The following GPAT4 variants were observed in gnomAD, a reference collection of about 807,000 sequenced individuals.
GPAT4 encodes 1-AGP acyltransferase 6.
GPAT4 carries 17 observed loss-of-function variants against 58.0 expected under a neutral mutation model. That is an observed-to-expected ratio of 0.29 (90% confidence interval 0.20 to 0.44). GPAT4 has a LOEUF of 0.44. Among genes scored for constraint, GPAT4 ranks in the 20% least tolerant of loss-of-function variants. GPAT4 has a pLI of 1.00. For missense variants in GPAT4, 377 were observed against 574.5 expected, an observed-to-expected ratio of 0.66 and a Z score of 3.51; for synonymous variants, 204 against 210.1, an observed-to-expected ratio of 0.97 and a Z score of 0.25.
intron 1 of GPAT4, among the ~76,000 whole-genome samples, chr8:41,590,142 A>T (rs1455106616): frequency 2.5e-4 from 37 of 148,814 alleles, no homozygotes; most frequent in South Asian, 1.5e-3. Flanking sequence ...TTTTTTTTTT[A>T]AAGAGTCCCA....
chr8:41,619,461 TG>T (rs1394800932), intron 12 of GPAT4: 2 of 175,556 alleles, frequency 1.1e-5, no homozygotes, highest in African/African-American at 4.7e-5. Flanking sequence ...TGGTGTCTGT[TG>T]CAGCTACTGA....
intron 5 of GPAT4, 69 bp downstream of exon 5, chr8:41,610,879 G>T: frequency 6.8e-7 from 1 of 1,467,758 alleles, no homozygotes; most frequent in Non-Finnish European, 9.2e-7. Context: ...GATATCGAAG[G>T]CAAGGACACT....
chr8:41,594,980 A>G (rs2150488910), intron 1 of GPAT4, among the ~76,000 whole-genome samples: 1 of 151,962 alleles, frequency 6.6e-6, no homozygotes, highest in East Asian at 1.9e-4. Context: ...AACTTCCTTT[A>G]TGTCTGTGGA....
At chr8:41,616,586 C>T (rs921328675) in intron 10 of GPAT4, among the ~76,000 whole-genome samples, 13 of 152,082 alleles carry the variant, frequency 8.5e-5, no homozygotes, top group African/African-American at 7.2e-5. Flanking sequence ...TGAGCCACCC[C>T]GCTGGGCCTT....
intron 10 of GPAT4, chr8:41,618,392 A>C (rs541306598): frequency 2.3e-4 from 99 of 433,802 alleles, no homozygotes; most frequent in Non-Finnish European, 3.5e-4. Context: ...TTATATACCT[A>C]TGAGTAAGAC....
chr8:41,620,155 A>T (rs1803705954), intron 12 of GPAT4, among the ~76,000 whole-genome samples: 1 of 152,224 alleles, frequency 6.6e-6, no homozygotes, highest in South Asian at 2.1e-4. Context: ...ATGGATTTTA[A>T]AGGGTGTAGC....
At chr8:41,615,624 T>C (rs879769262) in intron 10 of GPAT4, among the ~76,000 whole-genome samples, 1 of 152,128 alleles carries the variant, frequency 6.6e-6, no homozygotes, top group African/African-American at 2.4e-5. Context: ...CCCAGAGCTA[T>C]AGGATGTGAT....
chr8:41,586,039 G>A (rs752053119), intron 1 of GPAT4, among the ~76,000 whole-genome samples: 17 of 152,190 alleles, frequency 1.1e-4, no homozygotes, highest in Non-Finnish European at 2.5e-4. Context: ...GTCAGTTTTA[G>A]AACATTTTTG....
Position 41,609,828 on chromosome 8 carries a change from G to C in GPAT4, c.409G>C (p.Ala137Pro), listed in dbSNP as rs1427633989. The C allele has an allele frequency of 6.2e-7, 1 of 1,614,218 alleles. No individual in the cohort carries two copies. Among genetic ancestry groups the C allele is most frequent in the African/African-American group, 1.3e-5 (1 of 75,060 alleles). The change falls in exon 4 of 13, where the codon GCA becomes CCA. Residue 137 changes from alanine (A) to proline (P), a missense_variant. Transcript: ENST00000396987. Reference sequence around the variant, plus strand: ...TGATGAGGTGACAAAGAGATTCTCAGCAGAAGAACTGGAGTCCTGGAACCT... The same window carrying C: ...TGATGAGGTGACAAAGAGATTCTCACCAGAAGAACTGGAGTCCTGGAACCT... Reference protein sequence around the residue: ...MDDEVTKRFSAEELESWNLLS... With the variant: ...MDDEVTKRFSPEELESWNLLS...
intron 1 of GPAT4, among the ~76,000 whole-genome samples, chr8:41,584,605 C>T (rs898975831): frequency 6.6e-6 from 1 of 152,152 alleles, no homozygotes; most frequent in African/African-American, 2.4e-5. Flanking sequence ...CTTCTAATTA[C>T]ATATGCAGTA....
At chr8:41,582,781 C>T (rs939781442) in intron 1 of GPAT4, among the ~76,000 whole-genome samples, 3 of 151,600 alleles carry the variant, frequency 2.0e-5, no homozygotes, top group Non-Finnish European at 4.4e-5. Context: ...AGTAATTTTA[C>T]GTATTTATAG....
At chr8:41,586,481 C>T (rs771407289) in intron 1 of GPAT4, among the ~76,000 whole-genome samples, 2 of 152,196 alleles carry the variant, frequency 1.3e-5, no homozygotes, top group Non-Finnish European at 2.9e-5. Context: ...ATTCTCCGAG[C>T]TGCACTGTCT....
At chr8:41,619,101 T>C in intron 12 of GPAT4, 124 bp downstream of exon 12, 1 of 1,218,650 alleles carries the variant, frequency 8.2e-7, no homozygotes, top group Non-Finnish European at 1.2e-6. Flanking sequence ...GAGAGCAGTT[T>C]GACTCTCCCC....
chr8:41,612,821 A>G (rs115518769), intron 7 of GPAT4, 24 bp from the exon 8 acceptor site: 4 of 1,602,324 alleles, frequency 2.5e-6, no homozygotes, highest in African/African-American at 1.3e-5. Context: ...CTTCACTACT[A>G]ATGAGTCCTG....
chr8:41,595,104 C>T (rs1802892677), intron 1 of GPAT4, among the ~76,000 whole-genome samples: 1 of 149,998 alleles, frequency 6.7e-6, no homozygotes. Flanking sequence ...TTTAATTATC[C>T]TTTGCTATTA....
intron 1 of GPAT4, among the ~76,000 whole-genome samples, chr8:41,594,632 G>A (rs1356511125): frequency 2.7e-5 from 4 of 145,938 alleles, no homozygotes; most frequent in African/African-American, 7.7e-5. Flanking sequence ...TGCAAGCTCC[G>A]CCTCCCGGGT....
intron 1 of GPAT4, among the ~76,000 whole-genome samples, chr8:41,590,832 A>G (rs1351895681): frequency 6.6e-6 from 1 of 152,216 alleles, no homozygotes; most frequent in Non-Finnish European, 1.5e-5. Flanking sequence ...CTGGGTCTGC[A>G]GCTACCTCTC....
rs1563278176 is a variant in GPAT4, at chr8:41,612,197, ATGG to A, written c.723_725del (p.Gly242del). On this transcript the variant is annotated inframe_deletion, in exon 7 of 13. Transcript: ENST00000396987. ...AAACCCAGGGAAAACAGACCAAGAAATGGTGGCATCTGTGTGGCCAATCATACC... is the reference window on the plus strand; with the variant it reads ...AAACCCAGGGAAAACAGACCAAGAAATGGCATCTGTGTGGCCAATCATACC... 6.2e-7 allele frequency: 1 copy of A among 1,614,246 alleles called. No homozygotes were observed. Among genetic ancestry groups the A allele is most frequent in the South Asian group, 1.1e-5 (1 of 91,088 alleles).
chr8:41,581,689 C>T (rs1246350972), intron 1 of GPAT4, among the ~76,000 whole-genome samples: 6 of 141,832 alleles, frequency 4.2e-5, no homozygotes, highest in African/African-American at 7.9e-5. Flanking sequence ...AGTGCAGTGG[C>T]GCAATCTCGG....
Sources: allele counts gnomAD v4.1 joint callset (sites outside exome capture counted in the v4.1 genomes callset), GRCh38; gene constraint gnomAD v4.1.1; transcripts MANE v1.5; gene names NCBI Gene and HGNC (gene_info 2026-07-23, HGNC 2026-07-21).